SEMA6A: variants seen among roughly 807,000 people sequenced by gnomAD.
The protein encoded by SEMA6A is semaphorin 6A.
In SEMA6A, 25 loss-of-function variants were observed where a neutral mutation model predicts 96.8. That is an observed-to-expected ratio of 0.26 (90% CI 0.19 to 0.36). SEMA6A has a LOEUF of 0.36. SEMA6A is among the 10% of genes least tolerant of loss of function. The pLI, the probability that SEMA6A is intolerant of heterozygous loss-of-function variation, is 1.00. For missense variants in SEMA6A, 1,363 were observed against 1,323.1 expected (o/e 1.03, Z -0.47); for synonymous variants, 612 against 518.0 (o/e 1.18, Z -2.46).
chr5:116,548,590 T>C (rs113478853), intron 1 of SEMA6A, among the ~76,000 whole-genome samples: 331 of 152,342 alleles, frequency 2.2e-3, no homozygotes, highest in African/African-American at 7.7e-3. Flanking sequence ...TTTTCATTGA[T>C]ATAGCTTCTT....
At position 116,454,051 on chromosome 5, in the gene SEMA6A, C is replaced by T. The variant is rs563290530; in HGVS notation, c.1895-6240G>A. On this transcript the variant is annotated intron_variant, in intron 18 of 18. Transcript: ENST00000343348. Reference sequence around the variant, plus strand: ...TGCACTTTCCCCTCTCACCCCCTTTCACTGGACGGCCCGTTTCTGAGCTGC... The same window carrying T: ...TGCACTTTCCCCTCTCACCCCCTTTTACTGGACGGCCCGTTTCTGAGCTGC... Among the ~76,000 whole-genome samples, 5 of 152,286 alleles carry T rather than the reference C, an allele frequency of 3.3e-5. No individual in the cohort carries two copies. In the South Asian group the frequency reaches 1.0e-3, roughly 32 times the overall value.
chr5:116,565,151 G>A (rs948875697), intron 1 of SEMA6A, among the ~76,000 whole-genome samples: 9 of 151,194 alleles, frequency 6.0e-5, no homozygotes, highest in Non-Finnish European at 1.0e-4. Flanking sequence ...TATTTTTTTT[G>A]CCAGCAAGAC....
rs1433822847 is a variant in SEMA6A, at chr5:116,541,790, G to C, written c.-39+32395C>G. On this transcript the variant is annotated intron_variant, in intron 1 of 18. Transcript: ENST00000343348. ...GGAGGTTGCAGTGAGCTGAGATCACGCCACTGCACTCCAGCCTGGGCGACA... is the reference window on the plus strand; with the variant it reads ...GGAGGTTGCAGTGAGCTGAGATCACCCCACTGCACTCCAGCCTGGGCGACA... 2.0e-5 allele frequency among the ~76,000 whole-genome samples: 3 copies of C among 152,110 alleles called. No homozygotes were observed. In the South Asian group the frequency reaches 6.2e-4, roughly 32 times the overall value.
chr5:116,451,004 G>T (rs1392660573), intron 18 of SEMA6A, among the ~76,000 whole-genome samples: 3 of 152,182 alleles, frequency 2.0e-5, no homozygotes, highest in Admixed American at 2.0e-4. Context: ...CTTGGAAACA[G>T]CAGACTTGTC....
chr5:116,497,211 T>C lies in SEMA6A; in HGVS notation c.279+116A>G. 6.4e-6 allele frequency: 4 copies of C among 620,824 alleles called. No homozygotes were observed. The East Asian group carries it at 1.1e-4, about 18-fold the overall frequency. 38.5% of individuals were successfully genotyped at this position (620,824 alleles called of 1,614,324 possible). ...TAATTAGGATTTCACAAAATGCATG[T>C]TGGCATCTCTAAATTATGATTAGCT... On this transcript the variant is annotated intron_variant, in intron 4 of 18. Transcript: ENST00000343348.
At chr5:116,499,493 C>A (rs970738818) in intron 3 of SEMA6A, among the ~76,000 whole-genome samples, 12 of 151,996 alleles carry the variant, frequency 7.9e-5, no homozygotes, top group Admixed American at 2.0e-4. Flanking sequence ...CTAGATCTCT[C>A]AGAGCAATGT....
At chr5:116,458,152 C>T (rs1053802666) in intron 18 of SEMA6A, among the ~76,000 whole-genome samples, 1 of 152,058 alleles carries the variant, frequency 6.6e-6, no homozygotes, top group East Asian at 1.9e-4. Context: ...TGAGACAAAG[C>T]GGATATTATT....
chr5:116,488,220 T>C (rs1268636059), intron 8 of SEMA6A, 24 bp from the exon 9 acceptor site: 2 of 1,469,826 alleles, frequency 1.4e-6, no homozygotes, highest in South Asian at 1.2e-5. Flanking sequence ...GGCACTTTAA[T>C]TGGGAACATG....
At chr5:116,573,916 G>C (rs898347688) in intron 1 of SEMA6A, among the ~76,000 whole-genome samples, 4 of 152,056 alleles carry the variant, frequency 2.6e-5, no homozygotes, top group South Asian at 2.1e-4. Context: ...GTCGCGGCCC[G>C]GGGCGGCGCC....
At chr5:116,447,855 C>A in intron 18 of SEMA6A, 44 bp from the exon 19 acceptor site, 2 of 1,470,072 alleles carry the variant, frequency 1.4e-6, no homozygotes, top group Non-Finnish European at 1.8e-6. Context: ...GAAAGCACAC[C>A]CCGAGGCTTG....
chr5:116,549,199 C>A (rs1760305224), intron 1 of SEMA6A, among the ~76,000 whole-genome samples: 1 of 152,152 alleles, frequency 6.6e-6, no homozygotes, highest in Non-Finnish European at 1.5e-5. Context: ...AAGCCTCTAC[C>A]ATTTGAGGGC....
At chr5:116,555,760 G>A (rs1292312808) in intron 1 of SEMA6A, among the ~76,000 whole-genome samples, 3 of 152,080 alleles carry the variant, frequency 2.0e-5, no homozygotes, top group South Asian at 2.1e-4. Flanking sequence ...CCAGGAGCTC[G>A]AGGCTGCAGT....
chr5:116,535,267 A>G (rs1190089557), intron 1 of SEMA6A, among the ~76,000 whole-genome samples: 1 of 152,194 alleles, frequency 6.6e-6, no homozygotes, highest in Non-Finnish European at 1.5e-5. Context: ...AAGGTCACTG[A>G]CCTGCGGGAG....
intron 13 of SEMA6A, 49 bp from the exon 14 acceptor site, chr5:116,478,203 C>T: frequency 6.3e-7 from 1 of 1,586,636 alleles, no homozygotes; most frequent in Non-Finnish European, 8.6e-7. Context: ...TTCTCTTTTT[C>T]TCGGCCCCAC....
chr5:116,535,252 C>T (rs1280351931), intron 1 of SEMA6A, among the ~76,000 whole-genome samples: 1 of 152,142 alleles, frequency 6.6e-6, no homozygotes, highest in Non-Finnish European at 1.5e-5. Context: ...GTTAGACCAA[C>T]TAATAAGGTC....
chr5:116,532,862 C>T (rs910258389), intron 1 of SEMA6A, among the ~76,000 whole-genome samples: 10 of 152,188 alleles, frequency 6.6e-5, no homozygotes, highest in African/African-American at 2.4e-4. Flanking sequence ...AAAGTGCCAG[C>T]TCTTAGCATT....
In SEMA6A at chr5:116,488,929, G is replaced by A. The variant is rs1262949088; in HGVS notation, c.614C>T (p.Pro205Leu). The A allele has an allele frequency of 6.3e-7, 1 of 1,589,374 alleles. No homozygotes were observed. The highest frequency in any genetic ancestry group is 1.8e-5 in the Admixed American group (1 of 56,662). The change falls in exon 8 of 19, where the codon CCT becomes CTT. Residue 205 changes from proline to leucine, a missense_variant. This residue lies in a region of SEMA6A where 480 missense variants were observed against 559.5 expected (regional missense o/e 0.86). Coordinates refer to ENST00000343348, the MANE Select transcript of SEMA6A (RefSeq NM_020796.5). ...ATCGTGCTTGACGGTCCGCAGGGTA[G>A]GGCTTTCTCCAAGACTCCGGTAAAT... The part of the protein sequence containing the change: ...AVIYRSLGES[P>L]TLRTVKHDSK...
chr5:116,546,843 C>T (rs1760209132), intron 1 of SEMA6A, among the ~76,000 whole-genome samples: 1 of 152,192 alleles, frequency 6.6e-6, no homozygotes, highest in African/African-American at 2.4e-5. Context: ...TCCCTGATTC[C>T]CTCTCCTCTC....
chr5:116,536,762 G>GC (rs1197897673), intron 1 of SEMA6A, among the ~76,000 whole-genome samples: 2 of 150,016 alleles, frequency 1.3e-5, no homozygotes, highest in African/African-American at 4.9e-5. Flanking sequence ...TTCAGGTACT[G>GC]CATTGTCCGC....
Sources: allele counts gnomAD v4.1 joint callset (sites outside exome capture counted in the v4.1 genomes callset), GRCh38; gene constraint gnomAD v4.1.1; regional missense constraint gnomAD v4.1.1; transcripts MANE v1.5; gene names NCBI Gene and HGNC (gene_info 2026-07-23, HGNC 2026-07-21).